The following ANKAR variants were observed in gnomAD, a reference collection of about 807,000 sequenced individuals.
ANKAR encodes ankyrin and armadillo repeat-containing protein.
A neutral mutation model predicts 146.2 loss-of-function variants in ANKAR; 136 were observed. The observed-to-expected ratio is 0.93, with a 90% CI of 0.81 to 1.07. The LOEUF is 1.07. Ranked by LOEUF, ANKAR falls within the 50% of genes least tolerant of loss-of-function variation. The pLI is 0.00. For missense variants in ANKAR, 1,567 were observed against 1,679.9 expected (o/e 0.93, Z 1.18); for synonymous variants, 500 against 575.8 (o/e 0.87, Z 1.88).
At chr2:189,703,327 G>A (rs1405648322) in intron 7 of ANKAR, among the ~76,000 whole-genome samples, 1 of 152,186 alleles carries the variant, frequency 6.6e-6, no homozygotes, top group African/African-American at 2.4e-5. Context: ...TAGGATGGTG[G>A]TGGTGGTAGA....
intron 9 of ANKAR, among the ~76,000 whole-genome samples, chr2:189,708,544 C>CT (rs1329207577): frequency 2.0e-5 from 3 of 152,176 alleles, no homozygotes; most frequent in Non-Finnish European, 2.9e-5. Context: ...ATTAAACACT[C>CT]TATTATAAAA....
At chr2:189,760,089 C>T (rs533552434) in intron 18 of ANKAR, among the ~76,000 whole-genome samples, 44 of 152,316 alleles carry the variant, frequency 2.9e-4, no homozygotes, top group Middle Eastern at 6.8e-3. Context: ...GGTTATAGAT[C>T]AACAGCATCC....
At chr2:189,737,577 A>G (rs1399127954) in intron 17 of ANKAR, 106 bp from the exon 18 acceptor site, 1 of 961,654 alleles carries the variant, frequency 1.0e-6, no homozygotes, top group African/African-American at 1.7e-5. Flanking sequence ...TTTTACTCCC[A>G]GTGATAAGAA....
intron 7 of ANKAR, among the ~76,000 whole-genome samples, chr2:189,699,049 A>C (rs1173068717): frequency 6.6e-6 from 1 of 152,208 alleles, no homozygotes; most frequent in Non-Finnish European, 1.5e-5. Context: ...TCCATAAAGG[A>C]CAAGGATTTG....
At chr2:189,717,053 C>T (rs1234855364) in intron 10 of ANKAR, among the ~76,000 whole-genome samples, 4 of 151,976 alleles carry the variant, frequency 2.6e-5, no homozygotes, top group Non-Finnish European at 5.9e-5. Context: ...GACTAAAACA[C>T]CAAAAGCAAT....
chr2:189,702,729 T>C lies in ANKAR; in HGVS notation c.1709-2294T>C, dbSNP rs985523597. Reference sequence around the variant, plus strand: ...ATTTGGGTCAGATTTTATAGACTATTAAGGCTATAATATCAAGCTCCCACT... The same window carrying C: ...ATTTGGGTCAGATTTTATAGACTATCAAGGCTATAATATCAAGCTCCCACT... On this transcript the variant is annotated intron_variant, in intron 7 of 22. Coordinates refer to ENST00000684021, the MANE Select transcript of ANKAR (RefSeq NM_001378068.1). Among the ~76,000 whole-genome samples the C allele has an allele frequency of 5.3e-5, 8 of 152,178 alleles. No homozygotes were observed. In the South Asian group the frequency reaches 1.4e-3, roughly 28 times the overall value.
At chr2:189,677,222 A>T in intron 2 of ANKAR, 131 bp downstream of exon 2, 1 of 837,668 alleles carries the variant, frequency 1.2e-6, no homozygotes, top group Non-Finnish European at 1.7e-6. Context: ...AAGTGCTAGG[A>T]TTACAGGCAT....
At chr2:189,709,424 T>A (rs1384754500) in intron 9 of ANKAR, among the ~76,000 whole-genome samples, 2 of 152,024 alleles carry the variant, frequency 1.3e-5, no homozygotes, top group Non-Finnish European at 2.9e-5. Flanking sequence ...GTATATGGAG[T>A]GATGAACACA....
chr2:189,720,395 G>A (rs757066165), intron 11 of ANKAR, among the ~76,000 whole-genome samples: 15 of 151,944 alleles, frequency 9.9e-5, no homozygotes, highest in East Asian at 1.9e-4. Flanking sequence ...CTACAGGCAC[G>A]TGCCACCACG....
chr2:189,712,335 C>T (rs2039816526), intron 10 of ANKAR, among the ~76,000 whole-genome samples: 1 of 152,188 alleles, frequency 6.6e-6, no homozygotes, highest in South Asian at 2.1e-4. Flanking sequence ...CTGGGAGACA[C>T]CTCCCAGTAG....
At chr2:189,689,190 G>A (rs2036051343) in intron 2 of ANKAR, among the ~76,000 whole-genome samples, 1 of 152,086 alleles carries the variant, frequency 6.6e-6, no homozygotes, top group Admixed American at 6.6e-5. Flanking sequence ...TGTTCTGTCA[G>A]TCTTATGATC....
intron 7 of ANKAR, among the ~76,000 whole-genome samples, chr2:189,702,995 A>T (rs2105632335): frequency 6.6e-6 from 1 of 152,344 alleles, no homozygotes; most frequent in Admixed American, 6.5e-5. Context: ...TAATTATGCT[A>T]GTGCAACAGA....
Position 189,693,092 on chromosome 2 carries a change from C to T in ANKAR, c.1222C>T (p.Arg408Ter), listed in dbSNP as rs754492412. The change falls in exon 5 of 23, where the codon CGA becomes TGA. Residue 408 changes from arginine (R) to a stop codon, truncating the protein, a stop_gained. Coordinates refer to ENST00000684021, the MANE Select transcript of ANKAR (RefSeq NM_001378068.1). LOFTEE classifies it high-confidence loss of function. ...ATTTTAGAAAAATTTAGAAAAAATA[C>T]GAGATTGTGCTGCTAATACATTTAT... The part of the protein sequence containing the change: ...EDFQKNLEKI[R>*]DCAANTFIED... The T allele has an allele frequency of 1.2e-5, 18 of 1,519,670 alleles. No individual in the cohort carries two copies. Among genetic ancestry groups the T allele is most frequent in the South Asian group, 3.7e-5 (3 of 82,086 alleles). 94.1% of individuals were successfully genotyped at this position (1,519,670 alleles called of 1,614,324 possible). A position where few individuals can be genotyped will look rare whatever the true frequency, so the allele number is the denominator to read the frequency against.
intron 12 of ANKAR, among the ~76,000 whole-genome samples, chr2:189,727,089 G>A (rs544675729): frequency 2.6e-5 from 4 of 152,068 alleles, no homozygotes; most frequent in South Asian, 2.1e-4. Context: ...CAAAGTTGAT[G>A]TATTTATTTT....
intron 18 of ANKAR, among the ~76,000 whole-genome samples, chr2:189,760,049 A>G (rs2046762582): frequency 6.6e-6 from 1 of 152,216 alleles, no homozygotes; most frequent in African/African-American, 2.4e-5. Context: ...GACACAGCAC[A>G]TGTTTCAGAG....
rs1242673884 is a variant in ANKAR at position 189,692,425 on chromosome 2, A to G, written c.1203+7A>G. The G allele has an allele frequency of 9.4e-6, 15 of 1,602,808 alleles. No individual in the cohort carries two copies. The highest frequency in any genetic ancestry group is 1.3e-5 in the Non-Finnish European group (15 of 1,176,364). On this transcript the variant is annotated splice_region_variant and intron_variant, in intron 4 of 22. Transcript: ENST00000684021. ...TGCCTTGGAAGATTTTCAGGTTTAA[A>G]TGATCATTCCTTAGACAATTTATCA... is the stretch of plus-strand genomic sequence containing the variant.
intron 10 of ANKAR, among the ~76,000 whole-genome samples, chr2:189,712,904 A>G (rs2039901187): frequency 6.6e-6 from 1 of 152,222 alleles, no homozygotes; most frequent in East Asian, 1.9e-4. Context: ...GCTAACTAGA[A>G]TAAACAGTGT....
chr2:189,723,280 T>A (rs1316533872), intron 12 of ANKAR, among the ~76,000 whole-genome samples: 1 of 152,180 alleles, frequency 6.6e-6, no homozygotes, highest in Non-Finnish European at 1.5e-5. Flanking sequence ...CCTTGCTAAG[T>A]TTGGTTTGTT....
intron 17 of ANKAR, among the ~76,000 whole-genome samples, chr2:189,736,767 T>C (rs1269290381): frequency 2.6e-5 from 4 of 151,904 alleles, no homozygotes; most frequent in African/African-American, 9.7e-5. Context: ...ATATTATGAT[T>C]AACAGTGGCA....
Sources: allele counts gnomAD v4.1 joint callset (sites outside exome capture counted in the v4.1 genomes callset), GRCh38; gene constraint gnomAD v4.1.1; transcripts MANE v1.5; gene names NCBI Gene and HGNC (gene_info 2026-07-23, HGNC 2026-07-21).